Variants in SPRED1 observed in about 807,000 individuals in gnomAD.
SPRED1 encodes sprouty-related, EVH1 domain-containing protein 1.
In SPRED1, 18 loss-of-function variants were observed where a neutral mutation model predicts 52.3. The ratio of observed to expected loss-of-function variants is 0.34; its 90% CI spans 0.24 to 0.51. SPRED1 has a LOEUF of 0.51. Ranked by LOEUF, SPRED1 falls within the 20% of genes least tolerant of loss-of-function variation. The pLI, the probability that SPRED1 is intolerant of heterozygous loss-of-function variation, is 0.97. For missense variants in SPRED1, 485 were observed against 551.0 expected (o/e 0.88, Z 1.20); for synonymous variants, 155 against 179.7 (o/e 0.86, Z 1.10).
chr15:38,339,162 AGT>A (rs1420465538), intron 4 of SPRED1, among the ~76,000 whole-genome samples: 1 of 46,038 alleles, frequency 2.2e-5, no homozygotes, highest in African/African-American at 4.4e-5. Flanking sequence ...TGACATTTTA[AGT>A]GTCTTTAGTG....
intron 4 of SPRED1, among the ~76,000 whole-genome samples, chr15:38,338,841 TTTTA>T (rs1443991343): frequency 3.9e-5 from 6 of 152,078 alleles, no homozygotes; most frequent in Non-Finnish European, 5.9e-5. Flanking sequence ...CATTTTTGAA[TTTTA>T]TTTGTTAATT....
chr15:38,335,536 G>A (rs1369080282), intron 4 of SPRED1, among the ~76,000 whole-genome samples: 2 of 109,116 alleles, frequency 1.8e-5, no homozygotes, highest in Non-Finnish European at 4.0e-5. Context: ...AATTCAGAAG[G>A]ATTTGGGCAA....
intron 6 of SPRED1, 113 bp downstream of exon 6, chr15:38,349,636 A>G (rs1305867817): frequency 1.0e-5 from 8 of 798,768 alleles, no homozygotes; most frequent in African/African-American, 3.4e-5. Context: ...AAAATTTTTC[A>G]TTGTATAAAT....
At chr15:38,271,793 G>A (rs1332019928) in intron 1 of SPRED1, among the ~76,000 whole-genome samples, 3 of 152,142 alleles carry the variant, frequency 2.0e-5, no homozygotes, top group Non-Finnish European at 2.9e-5. Flanking sequence ...GAGTACATGT[G>A]CAGGTTTGTT....
intron 2 of SPRED1, among the ~76,000 whole-genome samples, chr15:38,316,065 A>C (rs528578247): frequency 6.6e-6 from 1 of 152,076 alleles, no homozygotes; most frequent in South Asian, 2.1e-4. Context: ...TGGGAAGTGA[A>C]TGTGTCATGT....
intron 1 of SPRED1, among the ~76,000 whole-genome samples, chr15:38,262,644 CACCA>C (rs973660508): frequency 6.6e-6 from 1 of 150,408 alleles, no homozygotes; most frequent in Admixed American, 6.6e-5. Context: ...ACCTGTATAT[CACCA>C]ACTGTGGGGC....
intron 4 of SPRED1, 73 bp from the exon 5 acceptor site, chr15:38,339,664 T>G (rs752352987): frequency 4.2e-5 from 62 of 1,485,104 alleles, no homozygotes; most frequent in Non-Finnish European, 5.5e-5. Context: ...CTTTTTAGAG[T>G]GAAAGTATCT....
intron 1 of SPRED1, among the ~76,000 whole-genome samples, chr15:38,297,022 C>A (rs1482659447): frequency 1.3e-5 from 2 of 152,128 alleles, no homozygotes; most frequent in Non-Finnish European, 2.9e-5. Flanking sequence ...TCAAGGTGCA[C>A]CACCTTGGAA....
At position 38,305,288 on chromosome 15, in the gene SPRED1, C is replaced by T. The variant is rs139204807; in HGVS notation, c.207+5741C>T. ...CAGAGGTTGCAGTGAGCCAAGATCA[C>T]GCCATTGCACTCCAGCTTGGGTAAC... On this transcript the variant is annotated intron_variant, in intron 2 of 6. Transcript: ENST00000299084. 6.0e-5 allele frequency among the ~76,000 whole-genome samples: 9 copies of T among 150,370 alleles called. No individual in the cohort carries two copies. In the East Asian group the frequency reaches 1.2e-3, roughly 20 times the overall value.
chr15:38,308,173 G>A (rs918682321), intron 2 of SPRED1, among the ~76,000 whole-genome samples: 6 of 152,136 alleles, frequency 3.9e-5, no homozygotes, highest in African/African-American at 1.2e-4. Flanking sequence ...TTTTGCAAAT[G>A]TCTCACAGAC....
intron 1 of SPRED1, among the ~76,000 whole-genome samples, chr15:38,258,657 T>A (rs541001069): frequency 4.6e-5 from 7 of 152,334 alleles, no homozygotes; most frequent in African/African-American, 1.7e-4. Context: ...GAATTTTTCT[T>A]TGCCAATTTT....
chr15:38,331,394 A>G (rs1895803849), intron 4 of SPRED1, among the ~76,000 whole-genome samples: 1 of 152,000 alleles, frequency 6.6e-6, no homozygotes, highest in Non-Finnish European at 1.5e-5. Flanking sequence ...ATTTTATGTT[A>G]TGTTCATGTT....
intron 6 of SPRED1, among the ~76,000 whole-genome samples, chr15:38,349,891 A>G (rs755793239): frequency 6.6e-6 from 1 of 152,322 alleles, no homozygotes; most frequent in African/African-American, 2.4e-5. Flanking sequence ...GTAGTAGACT[A>G]GTCACTGTGT....
intron 2 of SPRED1, among the ~76,000 whole-genome samples, chr15:38,308,396 TAA>T (rs1435860074): frequency 6.6e-6 from 1 of 152,218 alleles, no homozygotes; most frequent in Non-Finnish European, 1.5e-5. Flanking sequence ...GTATTTTATT[TAA>T]GTCTGTACAG....
At chr15:38,316,748 G>GTT (rs1555390721) in intron 2 of SPRED1, among the ~76,000 whole-genome samples, 75 of 41,872 alleles carry the variant, frequency 1.8e-3, no homozygotes, top group African/African-American at 6.2e-3. Flanking sequence ...TCCATTATAT[G>GTT]TTTTTTTTTT....
chr15:38,275,704 G>A (rs748262373), intron 1 of SPRED1, among the ~76,000 whole-genome samples: 14 of 152,086 alleles, frequency 9.2e-5, no homozygotes, highest in African/African-American at 2.7e-4. Context: ...CACCATGTTC[G>A]TCAGGCTGGT....
In SPRED1 at chr15:38,253,137, C is replaced by G. The variant is rs1233247998; in HGVS notation, c.-49C>G. 5.8e-6 allele frequency: 9 copies of G among 1,552,708 alleles called. No individual in the cohort carries two copies. The Middle Eastern group carries it at 5.0e-4, about 86-fold the overall frequency. ...CCCCTCGGTGCTGCTGTTGCTCCCC[C>G]GCCTGCTGTTGCTCCTCCATCTCCA... On this transcript the variant is annotated 5_prime_UTR_variant, in exon 1 of 7. Coordinates refer to ENST00000299084, the MANE Select transcript of SPRED1 (RefSeq NM_152594.3).
intron 1 of SPRED1, among the ~76,000 whole-genome samples, chr15:38,267,620 T>G (rs185578385): frequency 3.3e-5 from 5 of 152,304 alleles, no homozygotes; most frequent in Admixed American, 2.6e-4. Flanking sequence ...CATATATGAG[T>G]AAGTAACAGC....
At position 38,339,815 on chromosome 15, in the gene SPRED1, T is replaced by G. The variant is rs1566872960; in HGVS notation, c.502T>G (p.Tyr168Asp). Residue 168 changes from tyrosine (Y) to aspartate (D), a missense_variant, in exon 5 of 7, where the codon TAT (tyrosine) becomes GAT (aspartate). Transcript: ENST00000299084. ...QQETVVTSEP[Y>D]RSSNIRPSPF... is the part of the protein sequence containing the mutation. ...AGAGACAGTTGTTACCAGTGAGCCT[T>G]ATAGAAGCTCAAATATAAGACCTTC... 6.2e-7 allele frequency: 1 copy of G among 1,613,942 alleles called. No homozygotes were observed. Among genetic ancestry groups the G allele is most frequent in the Non-Finnish European group, 8.5e-7 (1 of 1,179,898 alleles).
Sources: allele counts gnomAD v4.1 joint callset (sites outside exome capture counted in the v4.1 genomes callset), GRCh38; gene constraint gnomAD v4.1.1; transcripts MANE v1.5; gene names NCBI Gene and HGNC (gene_info 2026-07-23, HGNC 2026-07-21).